The following RHAG variants were observed in gnomAD, a reference collection of about 807,000 sequenced individuals.
RHAG encodes Rh associated glycoprotein, also known as ammonium transporter Rh type A.
A neutral mutation model predicts 42.4 loss-of-function variants in RHAG; 25 were observed. That is an observed-to-expected ratio of 0.59 (90% CI 0.43 to 0.82). The LOEUF (loss-of-function observed/expected upper bound fraction) is 0.82, where lower values mean the gene tolerates loss of function less well. Among genes scored for constraint, RHAG ranks in the 40% least tolerant of loss-of-function variants. RHAG has a pLI of 0.00. For missense variants in RHAG, 483 were observed against 504.6 expected (o/e 0.96, Z 0.41); for synonymous variants, 182 against 177.7 (o/e 1.02, Z -0.19).
chr6:49,607,294 G>A (rs1210107687), intron 7 of RHAG, 74 bp from the exon 8 acceptor site: 4 of 1,120,434 alleles, frequency 3.6e-6, no homozygotes, highest in Non-Finnish European at 5.4e-6. Flanking sequence ...CACTGAGGGT[G>A]TGGATGACTG....
At chr6:49,613,188 G>A (rs1212101410) in intron 5 of RHAG, among the ~76,000 whole-genome samples, 1 of 151,666 alleles carries the variant, frequency 6.6e-6, no homozygotes, top group African/African-American at 2.4e-5. Flanking sequence ...TCCTGCCTCA[G>A]CCTCTCTAGT....
chr6:49,629,183 C>G (rs1247021090), intron 1 of RHAG, among the ~76,000 whole-genome samples: 1 of 152,076 alleles, frequency 6.6e-6, no homozygotes, highest in Admixed American at 6.6e-5. Context: ...CTCACAAACC[C>G]TGAGCTAAAC....
chr6:49,611,663 G>A (rs569759984), intron 6 of RHAG, among the ~76,000 whole-genome samples: 2 of 151,938 alleles, frequency 1.3e-5, no homozygotes, highest in Admixed American at 6.6e-5. Flanking sequence ...GCCCATTTCA[G>A]TCTTTAGTGG....
At chr6:49,624,922 A>G (rs1762821076) in intron 1 of RHAG, among the ~76,000 whole-genome samples, 2 of 152,160 alleles carry the variant, frequency 1.3e-5, no homozygotes, top group Non-Finnish European at 1.5e-5. Context: ...AACCCCCCAT[A>G]TTATCAGCTG....
intron 7 of RHAG, among the ~76,000 whole-genome samples, chr6:49,610,609 A>G (rs997120597): frequency 8.5e-5 from 13 of 152,158 alleles, no homozygotes; most frequent in Non-Finnish European, 1.9e-4. Flanking sequence ...ATTCTGCAGA[A>G]CCAACTGCTT....
chr6:49,621,234 T>C (rs1394292985), intron 1 of RHAG, among the ~76,000 whole-genome samples: 1 of 152,110 alleles, frequency 6.6e-6, no homozygotes, highest in African/African-American at 2.4e-5. Flanking sequence ...AAAAGACTTA[T>C]TCCTCTCATT....
intron 1 of RHAG, among the ~76,000 whole-genome samples, chr6:49,622,288 C>G (rs1007586294): frequency 1.3e-5 from 2 of 149,236 alleles, no homozygotes; most frequent in Admixed American, 1.4e-4. Context: ...GCGATCTTGG[C>G]TCACTGCAAG....
At chr6:49,633,785 T>C (rs1284248377) in intron 1 of RHAG, among the ~76,000 whole-genome samples, 1 of 152,164 alleles carries the variant, frequency 6.6e-6, no homozygotes, top group African/African-American at 2.4e-5. Context: ...AAAACATCTC[T>C]TGTCCAAATG....
chr6:49,635,904 T>C (rs1763003408), intron 1 of RHAG, among the ~76,000 whole-genome samples: 2 of 152,172 alleles, frequency 1.3e-5, no homozygotes, highest in South Asian at 4.1e-4. Context: ...GTCTATATAA[T>C]AGTGACATAC....
chr6:49,633,918 T>C (rs983285817), intron 1 of RHAG, among the ~76,000 whole-genome samples: 6 of 152,318 alleles, frequency 3.9e-5, no homozygotes, highest in Non-Finnish European at 8.8e-5. Flanking sequence ...TGCCTTTCCC[T>C]GTGGAATGTA....
Position 49,612,443 on chromosome 6 carries a change from C to T in RHAG, c.899G>A (p.Gly300Glu). ...AIHPFGSMII[G>E]SIAGMVSVLG... ...CACAGAGACCATTCCTGCAATGCTC[C>T]CAATAATCATAGAACCAAATGGGTG... is the stretch of plus-strand genomic sequence containing the variant. Residue 300 changes from glycine (G) to glutamate (E), a missense_variant, in exon 6 of 10, where the codon GGG becomes GAG. Physicochemically the swap from Gly to Glu is moderately conservative, Grantham distance 98 (BLOSUM62 -2). Coordinates refer to ENST00000371175, the MANE Select transcript of RHAG (RefSeq NM_000324.3). 6.2e-7 allele frequency: 1 copy of T among 1,614,034 alleles called. No individual in the cohort carries two copies. Among genetic ancestry groups the T allele is most frequent in the Non-Finnish European group, 8.5e-7 (1 of 1,179,952 alleles).
chr6:49,619,921 T>C (rs556960304), intron 1 of RHAG, among the ~76,000 whole-genome samples: 50 of 152,332 alleles, frequency 3.3e-4, no homozygotes, highest in African/African-American at 1.2e-3. Context: ...CTTGGCATAA[T>C]AGCTTGCATA....
rs17850946 is a variant in RHAG at position 49,615,671 on chromosome 6, T to C, written c.593A>G (p.His198Arg). The change falls in exon 4 of 10, where the codon CAT becomes CGT. Residue 198 changes from histidine (H) to arginine (R), a missense_variant. By Grantham distance (29) the His-to-Arg change is conservative (BLOSUM62 0). Transcript: ENST00000371175. ...GTAGTATGCGGACTCTTCATTTTCA[T>C]GCCCCTTTCTCAGTCCAGATCGATA... ...ILYRSGLRKG[H>R]ENEESAYYSD... is the part of the protein sequence containing the mutation. 2 of 1,614,174 alleles carry C rather than the reference T, an allele frequency of 1.2e-6. No homozygotes were observed. The highest frequency in any genetic ancestry group is 1.7e-6 in the Non-Finnish European group (2 of 1,180,028).
At chr6:49,607,280 C>T in intron 7 of RHAG, 60 bp from the exon 8 acceptor site, 1 of 1,380,492 alleles carries the variant, frequency 7.2e-7, no homozygotes, top group South Asian at 1.2e-5. Context: ...AAGAAAGTCT[C>T]ACTCACTGAG....
intron 1 of RHAG, among the ~76,000 whole-genome samples, chr6:49,628,549 C>T (rs912127281): frequency 6.6e-6 from 1 of 151,498 alleles, no homozygotes; most frequent in Non-Finnish European, 1.5e-5. Flanking sequence ...CCGATGCGTT[C>T]GGAGTTTCTT....
At position 49,634,165 on chromosome 6, in the gene RHAG, T is replaced by C. The variant is rs560300691; in HGVS notation, c.157+2491A>G. ...CTTCTCTTCTAGTTATCTCAAAATA[T>C]ACAATATGTTGTTGCTAACTACAGT... On this transcript the variant is annotated intron_variant, in intron 1 of 9. Transcript: ENST00000371175. 3.3e-5 allele frequency among the ~76,000 whole-genome samples: 5 copies of C among 152,286 alleles called. 1 individual carries two copies. Among genetic ancestry groups the C allele is most frequent in the African/African-American group, 1.2e-4 (5 of 41,566 alleles).
At chr6:49,622,859 G>C (rs1248019781) in intron 1 of RHAG, among the ~76,000 whole-genome samples, 2 of 136,404 alleles carry the variant, frequency 1.5e-5, no homozygotes, top group Non-Finnish European at 3.0e-5. Context: ...GTTTTGAGAC[G>C]GAGTCTCGCT....
intron 1 of RHAG, among the ~76,000 whole-genome samples, chr6:49,627,057 AG>A (rs1762855514): frequency 6.6e-6 from 1 of 152,272 alleles, no homozygotes; most frequent in African/African-American, 2.4e-5. Flanking sequence ...CTGTAATGGG[AG>A]GGATGGCCAT....
chr6:49,612,751 A>G (rs1762588299), intron 5 of RHAG, among the ~76,000 whole-genome samples: 1 of 152,234 alleles, frequency 6.6e-6, no homozygotes, highest in Admixed American at 6.5e-5. Context: ...GTAGTGAATG[A>G]GTAATCAGCT....
Sources: gnomAD v4.1 joint callset for allele counts (sites outside exome capture counted in the v4.1 genomes callset) on GRCh38, gnomAD v4.1.1 for gene constraint, MANE v1.5 for transcripts, NCBI Gene and HGNC (gene_info 2026-07-23, HGNC 2026-07-21) for gene names.